The following SLC45A4 variants were observed in gnomAD, a reference collection of about 807,000 sequenced individuals.
The protein encoded by SLC45A4 is solute carrier family 45 member 4.
In SLC45A4, 32 loss-of-function variants were observed where a neutral mutation model predicts 63.7. The ratio of observed to expected loss-of-function variants is 0.50; its 90% CI spans 0.38 to 0.67. The LOEUF (loss-of-function observed/expected upper bound fraction) is 0.67, where lower values mean the gene tolerates loss of function less well. Among genes scored for constraint, SLC45A4 ranks in the 30% least tolerant of loss-of-function variants. The pLI is 0.00. For missense variants in SLC45A4, 1,027 were observed against 1,157.7 expected (o/e 0.89, Z 1.64); for synonymous variants, 535 against 510.0 (o/e 1.05, Z -0.66).
intron 1 of SLC45A4, among the ~76,000 whole-genome samples, chr8:141,296,341 C>G (rs1830549873): frequency 6.6e-6 from 1 of 151,226 alleles, no homozygotes; most frequent in Admixed American, 6.6e-5. Context: ...TTTCAAAAAA[C>G]AGTAATAAAT....
In SLC45A4 at chr8:141,218,904, C is replaced by T. The variant is rs200060825; in HGVS notation, c.736G>A (p.Val246Met). 5.6e-5 allele frequency: 91 copies of T among 1,613,758 alleles called. No individual in the cohort carries two copies. Among genetic ancestry groups the T allele is most frequent in the Admixed American group, 3.3e-4 (20 of 60,030 alleles). ...TCGATGCTGAACAGGTGCAGGGCCA[C>T]GGACACCGTGAAGATGATGGCGGCA... ...FFAAIIFTVS[V>M]ALHLFSIDEE... Residue 246 changes from valine (V) to methionine (M), a missense_variant, in exon 5 of 9, where the codon GTG becomes ATG. Transcript: ENST00000517878.
intron 1 of SLC45A4, among the ~76,000 whole-genome samples, chr8:141,284,455 G>A (rs1193077154): frequency 6.6e-6 from 1 of 152,244 alleles, no homozygotes; most frequent in Non-Finnish European, 1.5e-5. Flanking sequence ...CGGGGCTGGC[G>A]AGGACGTCTG....
chr8:141,228,583 A>G, intron 2 of SLC45A4: 14 of 1,177,480 alleles, frequency 1.2e-5, no homozygotes, highest in Non-Finnish European at 1.5e-5. Flanking sequence ...CAGCACAGCC[A>G]CCCATTCTCG....
chr8:141,223,346 C>T (rs1486994273), intron 2 of SLC45A4, among the ~76,000 whole-genome samples: 1 of 152,222 alleles, frequency 6.6e-6, no homozygotes, highest in Non-Finnish European at 1.5e-5. Flanking sequence ...CCGGGTTCCT[C>T]AGCTTCACCG....
chr8:141,211,956 A>T, intron 8 of SLC45A4: 1 of 1,278,410 alleles, frequency 7.8e-7, no homozygotes. Flanking sequence ...AATATTTCAA[A>T]TGATTCTTTT....
chr8:141,293,758 C>A (rs1356488489), intron 1 of SLC45A4, among the ~76,000 whole-genome samples: 1 of 151,994 alleles, frequency 6.6e-6, no homozygotes, highest in African/African-American at 2.4e-5. Flanking sequence ...CATGGTGAAA[C>A]CCCGTCTCTA....
intron 1 of SLC45A4, among the ~76,000 whole-genome samples, chr8:141,269,016 C>T (rs1185507410): frequency 6.6e-6 from 1 of 152,226 alleles, no homozygotes; most frequent in African/African-American, 2.4e-5. Context: ...TGTGGAGGGG[C>T]TTCCCTAAAC....
chr8:141,228,194 A>G lies in SLC45A4; in HGVS notation c.242-6429T>C, dbSNP rs541034911. 6 of 1,614,096 alleles carry G rather than the reference A, an allele frequency of 3.7e-6. No individual in the cohort carries two copies. The African/African-American group carries it at 4.0e-5, about 11-fold the overall frequency. Reference sequence around the variant, plus strand: ...GCATTCTAACCTTTCTGAAGACTCCATTGATTTGACCTCAGTGGACTCACA... The same window carrying G: ...GCATTCTAACCTTTCTGAAGACTCCGTTGATTTGACCTCAGTGGACTCACA... On this transcript the variant is annotated intron_variant, in intron 2 of 8. Transcript: ENST00000517878.
In SLC45A4 at chr8:141,212,240, G is replaced by T. The variant is rs375146301; in HGVS notation, c.2258C>A (p.Thr753Lys). The T allele has an allele frequency of 3.2e-6, 5 of 1,558,238 alleles. No homozygotes were observed. Among genetic ancestry groups the T allele is most frequent in the Non-Finnish European group, 4.4e-6 (5 of 1,149,224 alleles). The part of the protein sequence containing the change: ...NSEKPTVLKL[T>K]RKEGLQGPVE... The stretch of plus-strand genomic sequence containing the variant: ...CGGTCCCTGCAGGCCCTCCTTCCGC[G>T]TGAGCTTCAGCACGGTGGGCTTTTC... Residue 753 changes from threonine (T) to lysine (K), a missense_variant, in exon 8 of 9, where the codon ACG becomes AAG. By Grantham distance (78) the Thr-to-Lys change is moderately conservative. Transcript: ENST00000517878.
intron 1 of SLC45A4, among the ~76,000 whole-genome samples, chr8:141,291,289 T>TA (rs1174000327): frequency 1.3e-5 from 2 of 152,176 alleles, no homozygotes; most frequent in East Asian, 1.9e-4. Context: ...CCAGAAAAGA[T>TA]AGAGAACCAG....
At position 141,227,668 on chromosome 8, in the gene SLC45A4, C is replaced by T. The variant is rs531760142; in HGVS notation, c.242-5903G>A. ...GAGGGGAAGGGCCACTGGCACTGGG[C>T]CCCCGGCACTGAGGCTCTGTGCTGG... On this transcript the variant is annotated intron_variant, in intron 2 of 8. Coordinates refer to ENST00000517878, the MANE Select transcript of SLC45A4 (RefSeq NM_001286646.2). The surrounding 1 kb of genome is among the most constrained non-coding windows in gnomAD (Gnocchi z 4.4). 3.0e-4 allele frequency among the ~76,000 whole-genome samples: 45 copies of T among 152,164 alleles called. No individual in the cohort carries two copies. The highest frequency in any genetic ancestry group is 6.0e-4 in the Non-Finnish European group (41 of 68,030).
chr8:141,289,139 C>G (rs748529291), intron 1 of SLC45A4, among the ~76,000 whole-genome samples: 1 of 152,084 alleles, frequency 6.6e-6, no homozygotes. Context: ...TCGGAGAAGG[C>G]GGTGCCAGGG....
chr8:141,277,259 G>A (rs1003694117), intron 1 of SLC45A4, among the ~76,000 whole-genome samples: 7 of 152,220 alleles, frequency 4.6e-5, no homozygotes, highest in Non-Finnish European at 7.3e-5. Context: ...AGACAGGTCC[G>A]GGTCCGGCGA....
At chr8:141,305,799 C>A (rs1176515551) in intron 1 of SLC45A4, among the ~76,000 whole-genome samples, 2 of 152,226 alleles carry the variant, frequency 1.3e-5, no homozygotes, top group Non-Finnish European at 2.9e-5. Context: ...GTCCTCCCCA[C>A]CTCTCTCCTG....
Position 141,254,156 on chromosome 8 carries a change from G to A in SLC45A4, c.74C>T (p.Pro25Leu), listed in dbSNP as rs1157058505. The A allele has an allele frequency of 1.6e-5, 24 of 1,536,008 alleles. No homozygotes were observed. Among genetic ancestry groups the A allele is most frequent in the Middle Eastern group, 3.3e-4 (2 of 6,012 alleles). Residue 25 changes from proline to leucine, a missense_variant, in exon 2 of 9, where the codon CCG becomes CTG. Pro to Leu is a moderately conservative substitution (Grantham distance 98, BLOSUM62 -3). Coordinates refer to ENST00000517878, the MANE Select transcript of SLC45A4 (RefSeq NM_001286646.2). The surrounding 1 kb of genome is among the most constrained non-coding windows in gnomAD (Gnocchi z 4.5). ...GGCCTCTGCGCCTCCGGCTTTCTGC[G>A]GGTCCGGCAGGGGCACGGATAACTC... is the stretch of plus-strand genomic sequence containing the variant. ...VQELSVPLPD[P>L]QKAGGAEAEN...
chr8:141,299,291 G>A (rs560206688), intron 1 of SLC45A4, among the ~76,000 whole-genome samples: 98 of 152,350 alleles, frequency 6.4e-4, no homozygotes, highest in African/African-American at 2.3e-3. Context: ...AGGAGAAAGC[G>A]GACGGGGAGC....
At chr8:141,251,837 T>C (rs1482882271) in intron 2 of SLC45A4, among the ~76,000 whole-genome samples, 1 of 151,524 alleles carries the variant, frequency 6.6e-6, no homozygotes, top group Admixed American at 6.6e-5. Context: ...GTATCTCCTG[T>C]GATTTTGGTA....
chr8:141,220,226 C>T (rs1283241801), intron 3 of SLC45A4, among the ~76,000 whole-genome samples: 4 of 152,218 alleles, frequency 2.6e-5, no homozygotes, highest in Non-Finnish European at 5.9e-5. Flanking sequence ...CAGGGAAAGG[C>T]GCTCATGCCA....
chr8:141,251,728 C>T (rs373585728), intron 2 of SLC45A4, among the ~76,000 whole-genome samples: 140 of 151,872 alleles, frequency 9.2e-4, no homozygotes, highest in African/African-American at 3.2e-3. Flanking sequence ...GGATTGCAGA[C>T]GGAAAAGCAC....
Sources: allele counts gnomAD v4.1 joint callset (sites outside exome capture counted in the v4.1 genomes callset), GRCh38; gene constraint gnomAD v4.1.1; non-coding constraint Gnocchi (gnomAD v3.1); transcripts MANE v1.5; gene names NCBI Gene and HGNC (gene_info 2026-07-23, HGNC 2026-07-21).